GULP1: variants seen among roughly 807,000 people sequenced by gnomAD.
GULP1 encodes the protein PTB domain-containing engulfment adapter protein 1.
GULP1 carries 19 observed loss-of-function variants against 40.9 expected under a neutral mutation model. The observed-to-expected ratio is 0.46, with a 90% CI of 0.32 to 0.68. GULP1 has a LOEUF of 0.68. Among genes scored for constraint, GULP1 ranks in the 30% least tolerant of loss-of-function variants. GULP1 has a pLI of 0.03. For synonymous variants in GULP1, 119 were observed against 117.6 expected (o/e 1.01, Z -0.08); for missense variants, 312 against 362.2 (o/e 0.86, Z 1.12).
intron 2 of GULP1, among the ~76,000 whole-genome samples, chr2:188,398,264 C>G (rs192499118): frequency 6.6e-6 from 1 of 152,200 alleles, no homozygotes; most frequent in East Asian, 1.9e-4. Context: ...TCTGGCTTCC[C>G]GAACTATGAG....
chr2:188,436,620 A>T (rs11683909), intron 2 of GULP1, among the ~76,000 whole-genome samples: 1,850 of 152,228 alleles, frequency 0.012, 16 homozygotes, highest in East Asian at 0.022. Flanking sequence ...AAAAAGAGAC[A>T]TTAAAATTTG....
chr2:188,411,236 G>A (rs984392635), intron 2 of GULP1, among the ~76,000 whole-genome samples: 4 of 152,186 alleles, frequency 2.6e-5, no homozygotes, highest in South Asian at 2.1e-4. Context: ...TTCATCCATC[G>A]TTGGGTCAGG....
At chr2:188,436,717 T>C (rs1273552193) in intron 2 of GULP1, among the ~76,000 whole-genome samples, 1 of 152,118 alleles carries the variant, frequency 6.6e-6, no homozygotes, top group East Asian at 1.9e-4. Context: ...ACAGGTAGTT[T>C]ATACATATAG....
intron 7 of GULP1, among the ~76,000 whole-genome samples, chr2:188,559,753 T>C (rs1695772578): frequency 6.6e-6 from 1 of 152,136 alleles, no homozygotes; most frequent in African/African-American, 2.4e-5. Context: ...TGGCTCTGTG[T>C]CCCCACCCAA....
At chr2:188,321,881 G>C (rs1309324107) in intron 1 of GULP1, among the ~76,000 whole-genome samples, 1 of 152,038 alleles carries the variant, frequency 6.6e-6, no homozygotes, top group East Asian at 1.9e-4. Flanking sequence ...CGGGTGTGGT[G>C]GCAGATGCCT....
At chr2:188,451,857 ATC>A (rs1171415116) in intron 2 of GULP1, among the ~76,000 whole-genome samples, 1 of 152,146 alleles carries the variant, frequency 6.6e-6, no homozygotes, top group Non-Finnish European at 1.5e-5. Flanking sequence ...TGAGAAATAT[ATC>A]TGTCATTAAT....
chr2:188,424,996 A>G (rs1226624210), intron 2 of GULP1, among the ~76,000 whole-genome samples: 1 of 151,948 alleles, frequency 6.6e-6, no homozygotes, highest in Non-Finnish European at 1.5e-5. Context: ...TGGGAGTTAT[A>G]TTTGGCTTGT....
chr2:188,520,954 A>C (rs1160330952), intron 4 of GULP1, among the ~76,000 whole-genome samples: 2 of 152,166 alleles, frequency 1.3e-5, no homozygotes. Context: ...GAAGGAAGGA[A>C]TAAGAGATAG....
chr2:188,376,362 TTTAAA>T (rs1217098946), intron 1 of GULP1, among the ~76,000 whole-genome samples: 2 of 152,216 alleles, frequency 1.3e-5, no homozygotes, highest in Middle Eastern at 3.2e-3. Context: ...GATTTAGCAA[TTTAAA>T]TTACGTTATT....
intron 1 of GULP1, among the ~76,000 whole-genome samples, chr2:188,317,964 C>G (rs961605325): frequency 2.6e-5 from 4 of 152,032 alleles, no homozygotes; most frequent in African/African-American, 4.8e-5. Context: ...CCTTGGCAAA[C>G]TAATCTTTAG....
intron 1 of GULP1, among the ~76,000 whole-genome samples, chr2:188,381,341 G>A (rs1254248666): frequency 6.6e-6 from 1 of 152,038 alleles, no homozygotes; most frequent in East Asian, 1.9e-4. Flanking sequence ...AGTTTGAAAA[G>A]TATTTCCTGC....
chr2:188,311,729 A>G (rs2038151974), intron 1 of GULP1, among the ~76,000 whole-genome samples: 1 of 148,042 alleles, frequency 6.8e-6, no homozygotes, highest in Admixed American at 6.8e-5. Flanking sequence ...ATATTTATAT[A>G]TTTATAAATC....
At chr2:188,369,560 A>T (rs1188168450) in intron 1 of GULP1, among the ~76,000 whole-genome samples, 4 of 151,994 alleles carry the variant, frequency 2.6e-5, no homozygotes, top group Non-Finnish European at 2.9e-5. Context: ...TCTGCCCCCT[A>T]GTGACAGAGT....
At chr2:188,307,982 T>G (rs1388519965) in intron 1 of GULP1, among the ~76,000 whole-genome samples, 2 of 116,294 alleles carry the variant, frequency 1.7e-5, no homozygotes, top group Non-Finnish European at 3.7e-5. Flanking sequence ...ACGCCAGCAA[T>G]TTTTCACCAG....
intron 7 of GULP1, among the ~76,000 whole-genome samples, chr2:188,550,928 A>G (rs1217829170): frequency 6.6e-6 from 1 of 151,516 alleles, no homozygotes; most frequent in East Asian, 1.9e-4. Flanking sequence ...GCCAATACCA[A>G]TTTTCATGTC....
chr2:188,406,548 G>A (rs1361836875), intron 2 of GULP1, among the ~76,000 whole-genome samples: 1 of 152,016 alleles, frequency 6.6e-6, no homozygotes, highest in African/African-American at 2.4e-5. Context: ...TAGAAATTAT[G>A]GAGCTGAAAA....
intron 2 of GULP1, among the ~76,000 whole-genome samples, chr2:188,385,442 C>T (rs13030924): frequency 0.31 from 47,488 of 151,938 alleles, 8,685 homozygotes; most frequent in Non-Finnish European, 0.4. Context: ...CCTCCTAAAC[C>T]TCCGGGGTTG....
At chr2:188,494,426 TATAGTA>T (rs1276821735) in intron 4 of GULP1, among the ~76,000 whole-genome samples, 3 of 152,050 alleles carry the variant, frequency 2.0e-5, no homozygotes, top group Non-Finnish European at 4.4e-5. Context: ...TCAAAAATCT[TATAGTA>T]ATATATATAT....
chr2:188,401,633 C>T (rs1386108435), intron 2 of GULP1, among the ~76,000 whole-genome samples: 1 of 151,940 alleles, frequency 6.6e-6, no homozygotes, highest in Non-Finnish European at 1.5e-5. Context: ...CCATCTGAGC[C>T]AAGTATTTAT....
Sources: gnomAD v4.1 joint callset for allele counts (sites outside exome capture counted in the v4.1 genomes callset) on GRCh38, gnomAD v4.1.1 for gene constraint, MANE v1.5 for transcripts, NCBI Gene and HGNC (gene_info 2026-07-23, HGNC 2026-07-21) for gene names.